Variants in ROR1 observed in about 807,000 individuals in gnomAD.
ROR1 encodes the protein ROR family WNT receptor 1.
In ROR1, 19 loss-of-function variants were observed where a neutral mutation model predicts 78.8. The observed-to-expected ratio is 0.24, with a 90% CI of 0.17 to 0.35. The LOEUF (loss-of-function observed/expected upper bound fraction) is 0.35, where lower values mean the gene tolerates loss of function less well. Ranked by LOEUF, ROR1 falls within the 10% of genes least tolerant of loss-of-function variation. ROR1 has a pLI of 1.00. For missense variants in ROR1, 917 were observed against 1,177.8 expected, an observed-to-expected ratio of 0.78 and a Z score of 3.24; for synonymous variants, 386 against 433.6, an observed-to-expected ratio of 0.89 and a Z score of 1.36.
intron 1 of ROR1, among the ~76,000 whole-genome samples, chr1:63,821,987 A>G (rs549339294): frequency 1.3e-5 from 2 of 152,322 alleles, no homozygotes; most frequent in African/African-American, 4.8e-5. Flanking sequence ...ATGAAAAGCC[A>G]TATTTGGTGC....
intron 2 of ROR1, among the ~76,000 whole-genome samples, chr1:64,021,376 T>G (rs1485182706): frequency 1.3e-5 from 2 of 152,182 alleles, no homozygotes; most frequent in South Asian, 4.1e-4. Flanking sequence ...GGAGTACCAG[T>G]CATGTGGCAG....
intron 4 of ROR1, among the ~76,000 whole-genome samples, chr1:64,115,052 C>A (rs879932026): frequency 4.1e-4 from 63 of 151,936 alleles, no homozygotes; most frequent in Middle Eastern, 3.4e-3. Flanking sequence ...GCAGCGTCTA[C>A]CTCTTGGACT....
At chr1:64,129,517 C>T (rs1027499293) in intron 4 of ROR1, among the ~76,000 whole-genome samples, 2 of 152,122 alleles carry the variant, frequency 1.3e-5, no homozygotes, top group East Asian at 1.9e-4. Flanking sequence ...AACTTGGGGG[C>T]GCTGAACTCG....
Position 63,798,880 on chromosome 1 carries a change from A to G in ROR1, c.91+24372A>G, listed in dbSNP as rs527578780. On this transcript the variant is annotated intron_variant, in intron 1 of 8. Coordinates refer to ENST00000371079, the MANE Select transcript of ROR1 (RefSeq NM_005012.4). ...TCTCTGGACTACTTTGAAAAAATAGATGAAGTGTTGTGTGAGATGCATTAT... is the reference window on the plus strand; with the variant it reads ...TCTCTGGACTACTTTGAAAAAATAGGTGAAGTGTTGTGTGAGATGCATTAT... Among the ~76,000 whole-genome samples, 7 of 152,258 alleles carry G rather than the reference A, an allele frequency of 4.6e-5. No homozygotes were observed. In the South Asian group the frequency reaches 1.5e-3, roughly 32 times the overall value.
chr1:64,149,014 GA>G (rs5774684), intron 7 of ROR1, among the ~76,000 whole-genome samples: 1 of 150,976 alleles, frequency 6.6e-6, no homozygotes, highest in East Asian at 1.9e-4. Context: ...GAATCAGATG[GA>G]AAAAAAAATA....
At chr1:63,946,704 G>A (rs1486287619) in intron 1 of ROR1, among the ~76,000 whole-genome samples, 1 of 152,164 alleles carries the variant, frequency 6.6e-6, no homozygotes. Context: ...CAGGTATTTA[G>A]ATTCTAAATC....
chr1:64,140,883 C>T (rs1649290398), intron 6 of ROR1, among the ~76,000 whole-genome samples: 1 of 152,120 alleles, frequency 6.6e-6, no homozygotes, highest in African/African-American at 2.4e-5. Context: ...GAATGAAATA[C>T]AGATACGTGC....
chr1:64,132,325 C>T (rs573062170), intron 4 of ROR1, among the ~76,000 whole-genome samples: 2 of 152,232 alleles, frequency 1.3e-5, no homozygotes, highest in South Asian at 4.1e-4. Flanking sequence ...CTGAGTTGTT[C>T]CCACCTTTGG....
intron 2 of ROR1, among the ~76,000 whole-genome samples, chr1:64,035,406 G>A (rs1012563258): frequency 2.0e-5 from 3 of 152,126 alleles, no homozygotes; most frequent in African/African-American, 7.2e-5. Flanking sequence ...ACCTTTCAGG[G>A]AGGCTGCCTA....
intron 1 of ROR1, among the ~76,000 whole-genome samples, chr1:63,838,748 G>A (rs1645033094): frequency 1.3e-5 from 2 of 152,074 alleles, no homozygotes; most frequent in Non-Finnish European, 2.9e-5. Flanking sequence ...AATGTCCTAG[G>A]CTTTCACTTT....
At chr1:64,061,328 C>G (rs1162476489) in intron 4 of ROR1, among the ~76,000 whole-genome samples, 1 of 152,166 alleles carries the variant, frequency 6.6e-6, no homozygotes, top group Non-Finnish European at 1.5e-5. Flanking sequence ...AGTCCTCATT[C>G]TACATCATTT....
chr1:64,120,179 T>C (rs1648477154), intron 4 of ROR1, among the ~76,000 whole-genome samples: 1 of 152,112 alleles, frequency 6.6e-6, no homozygotes, highest in African/African-American at 2.4e-5. Flanking sequence ...ATTAATAAAG[T>C]CTAATATCCA....
chr1:64,112,895 C>T (rs1161150994), intron 4 of ROR1, among the ~76,000 whole-genome samples: 1 of 152,214 alleles, frequency 6.6e-6, no homozygotes, highest in East Asian at 1.9e-4. Flanking sequence ...GGACATTTCC[C>T]TATGGACAGC....
At chr1:64,054,829 A>G (rs972060529) in intron 4 of ROR1, among the ~76,000 whole-genome samples, 3 of 152,188 alleles carry the variant, frequency 2.0e-5, no homozygotes, top group Non-Finnish European at 2.9e-5. Flanking sequence ...TATGAGATCA[A>G]TGTGTTCATG....
At position 63,774,047 on chromosome 1, in the gene ROR1, TG is replaced by T. The variant is rs969243894; in HGVS notation, c.-369del. On this transcript the variant is annotated 5_prime_UTR_variant, in exon 1 of 9. Transcript: ENST00000371079. The surrounding 1 kb of genome is among the most constrained non-coding windows in gnomAD (Gnocchi z 5.7). ...GAGCGAGAGAGGGAGCGTGGAGAGC[TG>T]GAGCAGCCGCCACCGCCGCCGCCGA... The T allele has an allele frequency of 4.3e-4, 69 of 161,196 alleles. No homozygotes were observed. Among genetic ancestry groups the T allele is most frequent in the Admixed American group, 7.8e-4 (12 of 15,460 alleles). The allele number at this position is 161,196 out of a possible 1,614,324, so 10.0% of individuals were successfully genotyped here.
At chr1:63,971,421 A>G (rs1311800980) in intron 1 of ROR1, among the ~76,000 whole-genome samples, 1 of 152,142 alleles carries the variant, frequency 6.6e-6, no homozygotes, top group Non-Finnish European at 1.5e-5. Flanking sequence ...GTATTTTTGT[A>G]ATTAAAATAA....
chr1:64,050,051 AC>A (rs547118109), intron 3 of ROR1, 73 bp downstream of exon 3: 828 of 1,522,650 alleles, frequency 5.4e-4, no homozygotes, highest in Non-Finnish European at 6.8e-4. Context: ...GTCCACAGGG[AC>A]AGGAAGGAAG....
intron 1 of ROR1, among the ~76,000 whole-genome samples, chr1:64,004,573 G>A (rs285388): frequency 0.66 from 99,860 of 151,996 alleles, 37,391 homozygotes; most frequent in East Asian, 0.94. Flanking sequence ...CGCTGGTCTT[G>A]TGAGTATGCG....
At chr1:63,886,206 A>G (rs1204622255) in intron 1 of ROR1, among the ~76,000 whole-genome samples, 1 of 152,130 alleles carries the variant, frequency 6.6e-6, no homozygotes, top group African/African-American at 2.4e-5. Flanking sequence ...AGGAGTGGCT[A>G]TAAATACAGA....
Sources: gnomAD v4.1 joint callset for allele counts (sites outside exome capture counted in the v4.1 genomes callset) on GRCh38, gnomAD v4.1.1 for gene constraint, Gnocchi (gnomAD v3.1) non-coding constraint, MANE v1.5 for transcripts, NCBI Gene and HGNC (gene_info 2026-07-23, HGNC 2026-07-21) for gene names.